The following SAMD12 variants were observed in gnomAD, a reference collection of about 807,000 sequenced individuals.
SAMD12 encodes the protein sterile alpha motif domain-containing protein 12.
SAMD12 carries 9 observed loss-of-function variants against 15.0 expected under a neutral mutation model. The observed-to-expected ratio is 0.60, with a 90% CI of 0.36 to 1.05. The LOEUF (loss-of-function observed/expected upper bound fraction) is 1.05. Ranked by LOEUF, SAMD12 falls within the 50% of genes least tolerant of loss-of-function variation. SAMD12 has a pLI of 0.01. For synonymous variants in SAMD12, 86 were observed against 90.1 expected, an observed-to-expected ratio of 0.96 and a Z score of 0.25; for missense variants, 230 against 234.2, an observed-to-expected ratio of 0.98 and a Z score of 0.12.
intron 1 of SAMD12, among the ~76,000 whole-genome samples, chr8:118,604,938 T>A (rs1045961054): frequency 5.3e-5 from 8 of 151,594 alleles, no homozygotes; most frequent in East Asian, 1.9e-4. Context: ...ATAAAAAAAA[T>A]AAAAATAAAT....
chr8:118,535,905 C>G (rs2131135558), intron 2 of SAMD12, among the ~76,000 whole-genome samples: 1 of 152,348 alleles, frequency 6.6e-6, no homozygotes, highest in South Asian at 2.1e-4. Flanking sequence ...CCGGGTGAGG[C>G]AATTCCTTGC....
intron 2 of SAMD12, among the ~76,000 whole-genome samples, chr8:118,537,815 T>C (rs1387758765): frequency 6.6e-6 from 1 of 152,194 alleles, no homozygotes; most frequent in Non-Finnish European, 1.5e-5. Flanking sequence ...GTTCCTTACT[T>C]AGTCCTTTTG....
intron 2 of SAMD12, among the ~76,000 whole-genome samples, chr8:118,496,469 G>A (rs990253905): frequency 1.3e-5 from 2 of 152,136 alleles, no homozygotes; most frequent in Non-Finnish European, 2.9e-5. Context: ...AAGCAATGGA[G>A]AAAGGACTCC....
chr8:118,250,503 A>AT (rs112780663), intron 4 of SAMD12, among the ~76,000 whole-genome samples: 2,400 of 138,772 alleles, frequency 0.017, 24 homozygotes, highest in African/African-American at 0.025. Context: ...GCAAAAATGG[A>AT]TTTTTTTTTT....
At chr8:118,477,013 C>A (rs1471468769) in intron 2 of SAMD12, among the ~76,000 whole-genome samples, 1 of 152,004 alleles carries the variant, frequency 6.6e-6, no homozygotes, top group Admixed American at 6.5e-5. Context: ...TCTCTATTCA[C>A]CGGGGTGAAT....
chr8:118,138,336 A>G, the SAMD12 span, among the ~76,000 whole-genome samples: 3 of 152,244 alleles, frequency 2.0e-5, no homozygotes, highest in Admixed American at 6.5e-5. Context: ...CCCCAAATTC[A>G]TATGTTTAAA....
rs542919988 is a variant in SAMD12, at chr8:118,554,247, G to A, written c.192+26468C>T. ...ACACATGCACACGTATGTTTATTGC[G>A]GCACTATTCACAATAGCAAAGACTT... is the stretch of plus-strand genomic sequence containing the variant. On this transcript the variant is annotated intron_variant, in intron 2 of 3. Transcript: ENST00000314727. Among the ~76,000 whole-genome samples, 1,060 of 152,124 alleles carry A rather than the reference G, an allele frequency of 7.0e-3. 10 individuals are homozygous for A. Among genetic ancestry groups the A allele is most frequent in the Non-Finnish European group, 0.012 (819 of 68,002 alleles).
At chr8:118,399,734 T>A (rs1400549863) in intron 3 of SAMD12, among the ~76,000 whole-genome samples, 1 of 152,166 alleles carries the variant, frequency 6.6e-6, no homozygotes, top group Non-Finnish European at 1.5e-5. Flanking sequence ...GAAAGTAGAT[T>A]TCCTTCTCTG....
intron 2 of SAMD12, among the ~76,000 whole-genome samples, chr8:118,482,623 G>A (rs1279083107): frequency 6.6e-6 from 1 of 152,122 alleles, no homozygotes; most frequent in Non-Finnish European, 1.5e-5. Context: ...GATGTGCATA[G>A]GTTATATGCA....
intron 3 of SAMD12, among the ~76,000 whole-genome samples, chr8:118,412,056 C>T (rs979689228): frequency 1.3e-5 from 2 of 152,162 alleles, no homozygotes; most frequent in South Asian, 4.1e-4. Flanking sequence ...TACTATCTAG[C>T]ACTTCATAGA....
chr8:118,478,820 G>T (rs1284940858), intron 2 of SAMD12, among the ~76,000 whole-genome samples: 2 of 152,166 alleles, frequency 1.3e-5, no homozygotes, highest in Admixed American at 1.3e-4. Flanking sequence ...CCCCAGCAGT[G>T]AGTGGGAGCT....
At chr8:118,573,119 T>C (rs1230618190) in intron 2 of SAMD12, among the ~76,000 whole-genome samples, 1 of 152,136 alleles carries the variant, frequency 6.6e-6, no homozygotes, top group Non-Finnish European at 1.5e-5. Context: ...AGTTTCACTA[T>C]TGTTGCCCAG....
intron 2 of SAMD12, among the ~76,000 whole-genome samples, chr8:118,579,476 T>C (rs1827230698): frequency 6.6e-6 from 1 of 152,174 alleles, no homozygotes; most frequent in Non-Finnish European, 1.5e-5. Flanking sequence ...CTGCAATATA[T>C]ATCTTGGTAA....
chr8:118,162,120 A>G, the SAMD12 span, among the ~76,000 whole-genome samples: 1 of 150,038 alleles, frequency 6.7e-6, no homozygotes, highest in Non-Finnish European at 1.5e-5. Context: ...AGATCACGCC[A>G]CTGCACTCCA....
exon 5 of SAMD12, chr8:118,190,762 C>T (rs951592161): frequency 8.5e-5 from 13 of 152,186 alleles, no homozygotes; most frequent in African/African-American, 3.1e-4. Context: ...ACCCCATCTG[C>T]TAAGGAGGGA....
intron 3 of SAMD12, among the ~76,000 whole-genome samples, chr8:118,436,547 T>C (rs1822579349): frequency 6.6e-6 from 1 of 152,170 alleles, no homozygotes; most frequent in South Asian, 2.1e-4. Flanking sequence ...ATAACACTGA[T>C]ATAACATGCT....
chr8:118,437,510 GT>G (rs1822610307), intron 3 of SAMD12, among the ~76,000 whole-genome samples: 1 of 152,114 alleles, frequency 6.6e-6, no homozygotes, highest in Non-Finnish European at 1.5e-5. Context: ...TCAAGAAATG[GT>G]TAGCTTAGTG....
At chr8:118,414,831 A>G (rs1821601760) in intron 3 of SAMD12, among the ~76,000 whole-genome samples, 2 of 152,356 alleles carry the variant, frequency 1.3e-5, no homozygotes, top group South Asian at 4.1e-4. Flanking sequence ...GACACTAACC[A>G]GAAGGACCCC....
intron 3 of SAMD12, among the ~76,000 whole-genome samples, chr8:118,418,543 C>T (rs577885827): frequency 1.6e-3 from 250 of 152,208 alleles, no homozygotes; most frequent in Non-Finnish European, 2.6e-3. Flanking sequence ...GGTGAAACCC[C>T]GTCTCTACTA....
Sources: gnomAD v4.1 joint callset for allele counts (sites outside exome capture counted in the v4.1 genomes callset) on GRCh38, gnomAD v4.1.1 for gene constraint, MANE v1.5 for transcripts, NCBI Gene and HGNC (gene_info 2026-07-23, HGNC 2026-07-21) for gene names.